Variants in RBSN observed in about 807,000 individuals in gnomAD.
The protein encoded by RBSN is rabenosyn-5.
RBSN carries 34 observed loss-of-function variants against 60.5 expected under a neutral mutation model. That is an observed-to-expected ratio of 0.56 (90% CI 0.43 to 0.75). The LOEUF (loss-of-function observed/expected upper bound fraction) is 0.75. Ranked by LOEUF, RBSN falls within the 30% of genes least tolerant of loss-of-function variation. The pLI is 0.00. For missense variants in RBSN, 845 were observed against 986.8 expected, an observed-to-expected ratio of 0.86 and a Z score of 1.92; for synonymous variants, 322 against 366.9, an observed-to-expected ratio of 0.88 and a Z score of 1.40.
chr3:15,091,241 AAACTATACCTCAGTT>A, intron 4 of RBSN: 3 of 505,484 alleles, frequency 5.9e-6, no homozygotes, highest in Non-Finnish European at 7.7e-6. Context: ...AAAAAAATTA[AAACTATACCTCAGTT>A]AAAATAATGT....
intron 2 of RBSN, among the ~76,000 whole-genome samples, chr3:15,097,814 GCT>G (rs1315876249): frequency 6.6e-6 from 1 of 152,084 alleles, no homozygotes; most frequent in Non-Finnish European, 1.5e-5. Flanking sequence ...GGTCCTCAAA[GCT>G]GAAGGGTGGC....
At chr3:15,088,246 C>G (rs985120663) in intron 5 of RBSN, among the ~76,000 whole-genome samples, 5 of 152,184 alleles carry the variant, frequency 3.3e-5, no homozygotes, top group African/African-American at 1.2e-4. Flanking sequence ...GCAACTTAAT[C>G]AGAAAATCAC....
rs907601162 is a variant in RBSN, at chr3:15,084,928, G to A, written c.437-32C>T. The A allele has an allele frequency of 1.9e-6, 3 of 1,612,934 alleles. No homozygotes were observed. Among genetic ancestry groups the A allele is most frequent in the Non-Finnish European group, 2.5e-6 (3 of 1,179,370 alleles). On this transcript the variant is annotated intron_variant, in intron 7 of 13. Coordinates refer to ENST00000253699, the MANE Select transcript of RBSN (RefSeq NM_022340.4). This position sits in a 1 kb window ranked among gnomAD's most constrained non-coding sequence, Gnocchi z 4.2. The stretch of plus-strand genomic sequence containing the variant: ...GAAGAGCAAACCAACAAGAAAGCAG[G>A]CCATTTTAAAGAGAGCTTTGGTCAG...
chr3:15,090,959 C>T (rs982823413), intron 4 of RBSN, among the ~76,000 whole-genome samples: 5 of 147,876 alleles, frequency 3.4e-5, no homozygotes, highest in African/African-American at 1.3e-4. Flanking sequence ...CGCAGTGGCT[C>T]ACACCTGTAA....
rs1487402359 is a variant in RBSN, at chr3:15,072,162, G to A, written c.*1620C>T. 1 of 152,608 alleles carries A rather than the reference G, an allele frequency of 6.6e-6. No individual in the cohort carries two copies. Among genetic ancestry groups the A allele is most frequent in the Admixed American group, 6.5e-5 (1 of 15,288 alleles). 9.5% of individuals were successfully genotyped at this position (152,608 alleles called of 1,614,324 possible). A position where few individuals can be genotyped will look rare whatever the true frequency, so the allele number is the denominator to read the frequency against. On this transcript the variant is annotated 3_prime_UTR_variant, in exon 14 of 14. Transcript: ENST00000253699. ...ATTCCCAGCACTTTGGGAGGCCAAG[G>A]TGGCAGATCACTTGAGGCCAGGAGT...
In RBSN at chr3:15,082,637, T is replaced by A. The variant is rs769139730; in HGVS notation, c.599-29A>T. On this transcript the variant is annotated intron_variant, in intron 8 of 13. Coordinates refer to ENST00000253699, the MANE Select transcript of RBSN (RefSeq NM_022340.4). This position sits in a 1 kb window ranked among gnomAD's most constrained non-coding sequence, Gnocchi z 4.2. ...TAACCACAACACCAACAGGCAGCAA[T>A]GACCCCCACAGCATCCAATTACCAT... 11 of 1,610,262 alleles carry A rather than the reference T, an allele frequency of 6.8e-6. No homozygotes were observed. In the South Asian group the frequency reaches 1.2e-4, roughly 18 times the overall value.
chr3:15,095,184 G>A (rs2043622093), intron 4 of RBSN, among the ~76,000 whole-genome samples: 1 of 146,596 alleles, frequency 6.8e-6, no homozygotes, highest in Non-Finnish European at 1.5e-5. Flanking sequence ...CCGGCTAGTT[G>A]TTTTTTTTTT....
In RBSN at chr3:15,073,901, T is replaced by G. The variant is rs1466581265; in HGVS notation, c.2236A>C (p.Ile746Leu). 3.1e-6 allele frequency: 5 copies of G among 1,614,118 alleles called. No individual in the cohort carries two copies. The highest frequency in any genetic ancestry group is 4.2e-6 in the Non-Finnish European group (5 of 1,180,014). ...EELLLQQIDN[I>L]KAYIFDAKQC... ...TTGGCATCAAAGATGTATGCCTTGA[T>G]GTTATCGATCTGCTGCAGGAGGAGC... Residue 746 changes from isoleucine to leucine, a missense_variant, in exon 14 of 14, where the codon ATC becomes CTC. Physicochemically the swap from Ile to Leu is conservative, Grantham distance 5 (BLOSUM62 2). Transcript: ENST00000253699.
intron 10 of RBSN, 106 bp downstream of exon 10, chr3:15,080,626 A>C: frequency 1.7e-6 from 2 of 1,160,762 alleles, no homozygotes; most frequent in Non-Finnish European, 2.5e-6. Context: ...CTCAGAAAAA[A>C]AGCACGGTTG....
At chr3:15,089,836 G>A (rs1262493592) in intron 5 of RBSN, among the ~76,000 whole-genome samples, 2 of 152,146 alleles carry the variant, frequency 1.3e-5, no homozygotes, top group Admixed American at 6.5e-5. Flanking sequence ...CTGACCTCGT[G>A]ATCTGCCCGC....
At position 15,074,929 on chromosome 3, in the gene RBSN, G is replaced by C; in HGVS notation, c.1208C>G (p.Ala403Gly). The C allele has an allele frequency of 6.2e-7, 1 of 1,606,184 alleles. No individual in the cohort carries two copies. The highest frequency in any genetic ancestry group is 8.5e-7 in the Non-Finnish European group (1 of 1,177,006). The change falls in exon 14 of 14, where the codon GCT becomes GGT. Residue 403 changes from alanine to glycine, a missense_variant and splice_region_variant. Coordinates refer to ENST00000253699, the MANE Select transcript of RBSN (RefSeq NM_022340.4). The surrounding 1 kb of genome is among the most constrained non-coding windows in gnomAD (Gnocchi z 6.4). ...MERKRAVERQ[A>G]ALESQRRLEE... ...AAGCCTTCGCTGGGACTCCAGGGCA[G>C]CCTGGGGAGAGAGCAAAGCAGAGAG...
At chr3:15,091,877 G>A (rs2043525677) in intron 4 of RBSN, among the ~76,000 whole-genome samples, 1 of 152,252 alleles carries the variant, frequency 6.6e-6, no homozygotes, top group Non-Finnish European at 1.5e-5. Flanking sequence ...ATCAGCTGGT[G>A]TGGGGCGGGA....
intron 4 of RBSN, among the ~76,000 whole-genome samples, chr3:15,090,825 A>G (rs1011938213): frequency 6.6e-6 from 1 of 152,252 alleles, no homozygotes; most frequent in Non-Finnish European, 1.5e-5. Context: ...ACAATTAAAT[A>G]AAAGTGCTAA....
chr3:15,095,443 T>C (rs937989357), intron 4 of RBSN, among the ~76,000 whole-genome samples: 1 of 152,242 alleles, frequency 6.6e-6, no homozygotes, highest in Non-Finnish European at 1.5e-5. Flanking sequence ...CCTGAGCTCT[T>C]GGAAGCTCAA....
Position 15,074,865 on chromosome 3 carries a change from G to A in RBSN, c.1272C>T (p.Asn424=), listed in dbSNP as rs2125152323. The A allele has an allele frequency of 1.9e-6, 3 of 1,614,050 alleles. No homozygotes were observed. The highest frequency in any genetic ancestry group is 1.7e-6 in the Non-Finnish European group (2 of 1,180,022). ...CCCTGCGGAGAGATGCCACCTCCCC[G>A]TTGGCCGCTCGAGAAGCCAGGCCAC... ...RQSGLASRAA[N]GEVASLRRGP... is the part of the protein sequence containing the mutation. Residue 424 remains asparagine (N), a synonymous_variant, in exon 14 of 14, where the codon AAC becomes AAT. Transcript: ENST00000253699. This position sits in a 1 kb window ranked among gnomAD's most constrained non-coding sequence, Gnocchi z 6.4.
Position 15,074,160 on chromosome 3 carries a change from T to C in RBSN, c.1977A>G (p.Lys659=), listed in dbSNP as rs750126292. 6.8e-6 allele frequency: 11 copies of C among 1,613,894 alleles called. No individual in the cohort carries two copies. Among genetic ancestry groups the C allele is most frequent in the Non-Finnish European group, 8.5e-6 (10 of 1,179,882 alleles). The change falls in exon 14 of 14, where the codon AAA becomes AAG. Residue 659 remains lysine (K), a synonymous_variant. Coordinates refer to ENST00000253699, the MANE Select transcript of RBSN (RefSeq NM_022340.4). The surrounding 1 kb of genome is among the most constrained non-coding windows in gnomAD (Gnocchi z 6.4). ...VSLDPSARIL[K]EYNPFEEEDE... ...CCTCTTCCTCGAAAGGATTGTACTC[T>C]TTCAGGATGCGGGCTGAAGGGTCTA...
chr3:15,076,447 GAAA>G (rs924655370), intron 12 of RBSN, among the ~76,000 whole-genome samples: 8 of 138,560 alleles, frequency 5.8e-5, no homozygotes, highest in African/African-American at 2.1e-4. Flanking sequence ...TTTAATAAAA[GAAA>G]AAAAAAACAC....
intron 8 of RBSN, among the ~76,000 whole-genome samples, chr3:15,083,827 C>A (rs1000236334): frequency 2.0e-5 from 3 of 152,032 alleles, no homozygotes; most frequent in African/African-American, 4.8e-5. Context: ...TATTCAAGAC[C>A]CTCTTCTCAA....
At chr3:15,079,083 A>G (rs1242062872) in intron 10 of RBSN, among the ~76,000 whole-genome samples, 1 of 152,112 alleles carries the variant, frequency 6.6e-6, no homozygotes, top group Non-Finnish European at 1.5e-5. Flanking sequence ...AAAAGCAACG[A>G]TCTTAAGCAG....
Sources: gnomAD v4.1 joint callset for allele counts (sites outside exome capture counted in the v4.1 genomes callset) on GRCh38, gnomAD v4.1.1 for gene constraint, Gnocchi (gnomAD v3.1) non-coding constraint, MANE v1.5 for transcripts, NCBI Gene and HGNC (gene_info 2026-07-23, HGNC 2026-07-21) for gene names.